GPC6: variants seen among roughly 807,000 people sequenced by gnomAD.
GPC6 encodes glypican-6.
Under a neutral mutation model 55.2 loss-of-function variants are expected in GPC6, and 14 were observed. The ratio of observed to expected loss-of-function variants is 0.25; its 90% CI spans 0.17 to 0.40. GPC6 has a LOEUF of 0.40. Ranked by LOEUF, GPC6 falls within the 10% of genes least tolerant of loss-of-function variation. The pLI is 1.00. For synonymous variants in GPC6, 278 were observed against 259.6 expected, an observed-to-expected ratio of 1.07 and a Z score of -0.68; for missense variants, 641 against 708.5, an observed-to-expected ratio of 0.90 and a Z score of 1.08.
At chr13:93,977,963 G>T (rs544220981) in intron 3 of GPC6, among the ~76,000 whole-genome samples, 1 of 152,298 alleles carries the variant, frequency 6.6e-6, no homozygotes, top group East Asian at 1.9e-4. Context: ...ATCTTATGCT[G>T]AAGAGAAATC....
chr13:93,909,052 C>A (rs1876824178), intron 3 of GPC6, among the ~76,000 whole-genome samples: 1 of 152,126 alleles, frequency 6.6e-6, no homozygotes, highest in African/African-American at 2.4e-5. Context: ...GTCTTTTACA[C>A]TAGAATAAAA....
At chr13:93,961,521 T>A (rs532306920) in intron 3 of GPC6, among the ~76,000 whole-genome samples, 2 of 152,338 alleles carry the variant, frequency 1.3e-5, no homozygotes, top group South Asian at 4.1e-4. Context: ...AGAAAAAAGA[T>A]TCATTATTTA....
chr13:94,034,242 AAGGAAG>A (rs1883253224), intron 4 of GPC6, among the ~76,000 whole-genome samples: 2 of 151,372 alleles, frequency 1.3e-5, no homozygotes, highest in African/African-American at 4.8e-5. Context: ...GGAAGGAAGG[AAGGAAG>A]GAAAGAAAGA....
intron 2 of GPC6, among the ~76,000 whole-genome samples, chr13:93,569,656 G>A (rs193073985): frequency 6.6e-6 from 1 of 151,964 alleles, no homozygotes; most frequent in East Asian, 1.9e-4. Flanking sequence ...TCATAACTTA[G>A]TTATCTTAAT....
chr13:94,101,081 G>C (rs1234801047), intron 4 of GPC6, among the ~76,000 whole-genome samples: 1 of 152,204 alleles, frequency 6.6e-6, no homozygotes, highest in Non-Finnish European at 1.5e-5. Context: ...ACTTCTCTCA[G>C]CCCTTCTCTC....
chr13:93,745,533 T>C (rs540701574), intron 2 of GPC6, among the ~76,000 whole-genome samples: 1 of 152,260 alleles, frequency 6.6e-6, no homozygotes, highest in East Asian at 1.9e-4. Flanking sequence ...TTACAGACAG[T>C]CCAAACTTAC....
At position 93,517,973 on chromosome 13, in the gene GPC6, A is replaced by AT. The variant is rs1566400582; in HGVS notation, c.161-27289dup. 2.6e-5 allele frequency among the ~76,000 whole-genome samples: 4 copies of AT among 151,658 alleles called. No homozygotes were observed. In the East Asian group the frequency reaches 7.8e-4, roughly 29 times the overall value. ...AATTCAGGGAAGAAATTGCTTATTA[A>AT]TATTATTATTATTATTTTTAGGGGT... On this transcript the variant is annotated intron_variant, in intron 1 of 8. Transcript: ENST00000377047.
intron 2 of GPC6, among the ~76,000 whole-genome samples, chr13:93,758,743 T>C (rs1884862339): frequency 6.6e-6 from 1 of 152,058 alleles, no homozygotes; most frequent in South Asian, 2.1e-4. Context: ...TCAAACACCA[T>C]AGAAGTTGAA....
intron 2 of GPC6, among the ~76,000 whole-genome samples, chr13:93,648,132 T>G (rs1301292638): frequency 6.6e-6 from 1 of 152,114 alleles, no homozygotes; most frequent in Admixed American, 6.6e-5. Flanking sequence ...TGGGTACTGA[T>G]GTCATCCCTG....
At chr13:93,523,072 T>C (rs554892133) in intron 1 of GPC6, among the ~76,000 whole-genome samples, 54 of 151,362 alleles carry the variant, frequency 3.6e-4, no homozygotes, top group African/African-American at 1.2e-3. Context: ...TACATATACA[T>C]ATATGTGTGT....
chr13:93,377,875 A>C (rs898185235), intron 1 of GPC6, among the ~76,000 whole-genome samples: 49 of 152,220 alleles, frequency 3.2e-4, no homozygotes, highest in Admixed American at 1.1e-3. Context: ...TTTTGTTACA[A>C]AGGACATAAA....
At chr13:93,654,510 T>G (rs1439828422) in intron 2 of GPC6, among the ~76,000 whole-genome samples, 1 of 152,092 alleles carries the variant, frequency 6.6e-6, no homozygotes, top group Non-Finnish European at 1.5e-5. Context: ...GTATTTTTAG[T>G]AGAGATGGGG....
At chr13:93,655,914 G>C (rs1566471613) in intron 2 of GPC6, among the ~76,000 whole-genome samples, 1 of 152,098 alleles carries the variant, frequency 6.6e-6, no homozygotes, top group African/African-American at 2.4e-5. Flanking sequence ...TGGTTAACTT[G>C]ATCATTTTAT....
chr13:94,279,667 A>C (rs987593869), intron 4 of GPC6, among the ~76,000 whole-genome samples: 6 of 151,984 alleles, frequency 3.9e-5, no homozygotes, highest in Admixed American at 2.6e-4. Flanking sequence ...GTTTCAAAGA[A>C]CTTCTTGATT....
chr13:93,711,406 T>C lies in GPC6; in HGVS notation c.320-118748T>C, dbSNP rs556587511. Among the ~76,000 whole-genome samples, 26 of 151,738 alleles carry C rather than the reference T, an allele frequency of 1.7e-4. No individual in the cohort carries two copies. In the South Asian group the frequency reaches 5.2e-3, roughly 30 times the overall value. On this transcript the variant is annotated intron_variant, in intron 2 of 8. Transcript: ENST00000377047. ...GCACAGCAAGAACCCGCCCCCAAGA[T>C]TGAATGACCTCCTACTGCCCTCCCT...
rs186381885 is a variant in GPC6 at position 93,896,578 on chromosome 13, C to T, written c.711+66033C>T. 2.2e-4 allele frequency among the ~76,000 whole-genome samples: 33 copies of T among 152,050 alleles called. 1 individual carries two copies. Among genetic ancestry groups the T allele is most frequent in the Admixed American group, 5.9e-4 (9 of 15,258 alleles). ...GTGTAGCAGAAAATGTAGTTTAATA[C>T]GTAAATGTTATATTTCAGAAGCAGG... On this transcript the variant is annotated intron_variant, in intron 3 of 8. Transcript: ENST00000377047.
intron 4 of GPC6, among the ~76,000 whole-genome samples, chr13:94,064,341 T>C (rs1233259873): frequency 6.6e-6 from 1 of 152,184 alleles, no homozygotes; most frequent in Non-Finnish European, 1.5e-5. Flanking sequence ...CATTTTCCTC[T>C]ATCACCATTT....
chr13:94,105,469 A>G (rs964612203), intron 4 of GPC6, among the ~76,000 whole-genome samples: 11 of 152,332 alleles, frequency 7.2e-5, no homozygotes, highest in African/African-American at 2.2e-4. Flanking sequence ...GATATCTCCC[A>G]TGATTTTCAG....
intron 2 of GPC6, among the ~76,000 whole-genome samples, chr13:93,804,715 C>G (rs1033823316): frequency 1.6e-4 from 24 of 152,224 alleles, no homozygotes; most frequent in African/African-American, 5.3e-4. Context: ...TTCGCCTATC[C>G]CAAATCAACC....
Sources: gnomAD v4.1 joint callset for allele counts (sites outside exome capture counted in the v4.1 genomes callset) on GRCh38, gnomAD v4.1.1 for gene constraint, MANE v1.5 for transcripts, NCBI Gene and HGNC (gene_info 2026-07-23, HGNC 2026-07-21) for gene names.